Variants in DPP6 observed in about 807,000 individuals in gnomAD.
DPP6 encodes the protein A-type potassium channel modulatory protein DPP6.
A neutral mutation model predicts 122.6 loss-of-function variants in DPP6; 69 were observed. The ratio of observed to expected loss-of-function variants is 0.56; its 90% CI spans 0.46 to 0.69. DPP6 has a LOEUF of 0.69. DPP6 is among the 30% of genes least tolerant of loss of function. The pLI is 0.00. For synonymous variants in DPP6, 418 were observed against 433.1 expected (o/e 0.97, Z 0.43); for missense variants, 928 against 1,116.9 (o/e 0.83, Z 2.41).
rs71184038 is a variant in DPP6 at position 154,821,628 on chromosome 7, GTATA to G, written c.1666+14531_1666+14534del. Reference sequence around the variant, plus strand: ...ATATATATATATATATTTTTTTTCTGTATATATATATATATATACACATATATAT... The same window carrying G: ...ATATATATATATATATTTTTTTTCTGTATATATATATATACACATATATAT... On this transcript the variant is annotated intron_variant, in intron 16 of 25. Transcript: ENST00000377770. The surrounding 1 kb of genome is among the most constrained non-coding windows in gnomAD (Gnocchi z 4.2). Among the ~76,000 whole-genome samples, 1 of 68,366 alleles carries G rather than the reference GTATA, an allele frequency of 1.5e-5. No individual in the cohort carries two copies. The highest frequency in any genetic ancestry group is 3.0e-5 in the Non-Finnish European group (1 of 33,126). 44.9% of individuals were successfully genotyped at this position (68,366 alleles called of 152,430 possible).
intron 1 of DPP6, among the ~76,000 whole-genome samples, chr7:154,244,951 CTT>C (rs745446498): frequency 2.4e-4 from 32 of 133,098 alleles, no homozygotes; most frequent in Admixed American, 3.0e-4. Context: ...TCTAAAGGGA[CTT>C]TTTTTTTTTT....
At chr7:154,121,895 GT>G (rs1351348746) in intron 1 of DPP6, among the ~76,000 whole-genome samples, 3 of 152,002 alleles carry the variant, frequency 2.0e-5, no homozygotes, top group African/African-American at 7.2e-5. Context: ...TAGATTCCCA[GT>G]TCAACTATAA....
At chr7:153,926,447 C>T (rs1800904496) in intron 1 of DPP6, among the ~76,000 whole-genome samples, 1 of 152,194 alleles carries the variant, frequency 6.6e-6, no homozygotes, top group African/African-American at 2.4e-5. Context: ...AGCCCTCATG[C>T]CTTTGTCTCC....
chr7:153,904,396 T>C (rs1799762050), intron 1 of DPP6, among the ~76,000 whole-genome samples: 1 of 152,128 alleles, frequency 6.6e-6, no homozygotes, highest in Non-Finnish European at 1.5e-5. Flanking sequence ...TTTTTTACAC[T>C]TGGGGCATTT....
At chr7:154,769,656 A>C in intron 9 of DPP6, 85 bp downstream of exon 9, 1 of 1,408,738 alleles carries the variant, frequency 7.1e-7, no homozygotes. Flanking sequence ...AGACGTGATC[A>C]TCAGACATGT....
At position 154,088,216 on chromosome 7, in the gene DPP6, G is replaced by A. The variant is rs545021274; in HGVS notation, c.243+35153G>A. On this transcript the variant is annotated intron_variant, in intron 1 of 25. Transcript: ENST00000377770. ...ATCTTTTAGGGCTTTGCTCTGGGAG[G>A]GGCTGTGCTCTCTGCCTGCCTAATA... Among the ~76,000 whole-genome samples the A allele has an allele frequency of 3.3e-5, 5 of 152,096 alleles. No homozygotes were observed. In the South Asian group the frequency reaches 1.0e-3, roughly 32 times the overall value.
intron 1 of DPP6, among the ~76,000 whole-genome samples, chr7:154,217,679 G>A (rs904463685): frequency 2.0e-5 from 3 of 152,276 alleles, no homozygotes; most frequent in Admixed American, 2.0e-4. Flanking sequence ...TTAAGAAATG[G>A]ACAGGTCATG....
chr7:154,060,972 C>A (rs1169661064), intron 1 of DPP6, among the ~76,000 whole-genome samples: 1 of 148,794 alleles, frequency 6.7e-6, no homozygotes, highest in Non-Finnish European at 1.5e-5. Flanking sequence ...ATCCTTAGGA[C>A]CCACCTGGAG....
At chr7:153,807,636 G>A in the DPP6 span, among the ~76,000 whole-genome samples, 1 of 151,894 alleles carries the variant, frequency 6.6e-6, no homozygotes, top group Non-Finnish European at 1.5e-5. Flanking sequence ...GTTTTGGCGG[G>A]GCTCGGGTGG....
intron 5 of DPP6, among the ~76,000 whole-genome samples, chr7:154,579,050 T>C (rs530157672): frequency 1.3e-5 from 2 of 152,100 alleles, no homozygotes; most frequent in Admixed American, 6.5e-5. Context: ...TAACCAATTA[T>C]ACAAAGAAGA....
At chr7:153,822,372 G>T in the DPP6 span, among the ~76,000 whole-genome samples, 1 of 151,866 alleles carries the variant, frequency 6.6e-6, no homozygotes, top group Non-Finnish European at 1.5e-5. Flanking sequence ...TGTATTTTTA[G>T]TAGAGACGGG....
At chr7:153,966,154 T>C (rs39177) in intron 1 of DPP6, among the ~76,000 whole-genome samples, 50,901 of 75,704 alleles carry the variant, frequency 0.67, 18,504 homozygotes, top group East Asian at 0.86. Flanking sequence ...CTCGTGGCGT[T>C]GAAAAGCTTC....
At chr7:154,021,619 T>C (rs71534060) in intron 1 of DPP6, among the ~76,000 whole-genome samples, 3 of 152,310 alleles carry the variant, frequency 2.0e-5, no homozygotes, top group East Asian at 3.9e-4. Context: ...TGAAGGCTCA[T>C]GATGCAGTGA....
intron 1 of DPP6, among the ~76,000 whole-genome samples, chr7:154,004,190 T>C (rs71530490): frequency 6.6e-6 from 1 of 152,184 alleles, no homozygotes; most frequent in Admixed American, 6.5e-5. Flanking sequence ...TGAGGTTAAG[T>C]TTGCTGAATG....
intron 1 of DPP6, among the ~76,000 whole-genome samples, chr7:154,439,681 G>C (rs924711966): frequency 2.7e-5 from 4 of 146,120 alleles, no homozygotes; most frequent in Admixed American, 2.1e-4. Context: ...TCAATAATTT[G>C]CCTGTTTGTT....
chr7:154,299,022 A>G (rs1487477432), intron 1 of DPP6, among the ~76,000 whole-genome samples: 1 of 152,228 alleles, frequency 6.6e-6, no homozygotes, highest in Non-Finnish European at 1.5e-5. Context: ...ATTACTGGAC[A>G]CAGGAGAAAT....
In DPP6 at chr7:154,639,955, G is replaced by A. The variant is rs115571964; in HGVS notation, c.680+2082G>A. Among the ~76,000 whole-genome samples, 504 of 152,192 alleles carry A rather than the reference G, an allele frequency of 3.3e-3. 6 individuals are homozygous for A. The highest frequency in any genetic ancestry group is 0.011 in the African/African-American group (473 of 41,512). On this transcript the variant is annotated intron_variant, in intron 6 of 25. Transcript: ENST00000377770. Reference sequence around the variant, plus strand: ...GTCTCAGCGTAAGTCAGGCTGACTCGAAATCCCATGCTAGTAAAAAAACTC... The same window carrying A: ...GTCTCAGCGTAAGTCAGGCTGACTCAAAATCCCATGCTAGTAAAAAAACTC...
the DPP6 span, among the ~76,000 whole-genome samples, chr7:153,773,330 A>AT: frequency 0.26 from 36,468 of 139,110 alleles, 4,970 homozygotes; most frequent in Non-Finnish European, 0.29. Context: ...ATATATATAT[A>AT]TTTTTTTTTA....
In DPP6 at chr7:154,296,247, G is replaced by A. The variant is rs544786020; in HGVS notation, c.244-149967G>A. On this transcript the variant is annotated intron_variant, in intron 1 of 25. Coordinates refer to ENST00000377770, the MANE Select transcript of DPP6 (RefSeq NM_130797.4). Reference sequence around the variant, plus strand: ...GCGTGAGCCACCGCGCCCGGCTGCCGTTGCTTCTAATTGCTGCTTAGCCTT... The same window carrying A: ...GCGTGAGCCACCGCGCCCGGCTGCCATTGCTTCTAATTGCTGCTTAGCCTT... Among the ~76,000 whole-genome samples the A allele has an allele frequency of 1.7e-4, 26 of 152,106 alleles. No individual in the cohort carries two copies. In the East Asian group the frequency reaches 3.7e-3, roughly 22 times the overall value.
Sources: allele counts gnomAD v4.1 joint callset (sites outside exome capture counted in the v4.1 genomes callset), GRCh38; gene constraint gnomAD v4.1.1; non-coding constraint Gnocchi (gnomAD v3.1); transcripts MANE v1.5; gene names NCBI Gene and HGNC (gene_info 2026-07-23, HGNC 2026-07-21).